FNIP1: variants seen among roughly 807,000 people sequenced by gnomAD.
FNIP1 encodes the protein folliculin interacting protein 1.
A neutral mutation model predicts 124.5 loss-of-function variants in FNIP1; 40 were observed. The observed-to-expected ratio is 0.32, with a 90% CI of 0.25 to 0.42. The LOEUF (loss-of-function observed/expected upper bound fraction) is 0.42. Among genes scored for constraint, FNIP1 ranks in the 10% least tolerant of loss-of-function variants. FNIP1 has a pLI of 1.00. For synonymous variants in FNIP1, 472 were observed against 470.6 expected (o/e 1.00, Z -0.04); for missense variants, 1,176 against 1,403.7 (o/e 0.84, Z 2.59).
chr5:131,675,553 C>CATT (rs1767885772), intron 13 of FNIP1, among the ~76,000 whole-genome samples: 1 of 152,050 alleles, frequency 6.6e-6, no homozygotes, highest in Non-Finnish European at 1.5e-5. Flanking sequence ...AGGAATGAAC[C>CATT]ATTAATACAT....
chr5:131,661,276 T>A (rs1767429543), intron 15 of FNIP1, among the ~76,000 whole-genome samples: 1 of 149,362 alleles, frequency 6.7e-6, no homozygotes. Context: ...AGGGGATCTC[T>A]AAAGGAATTG....
intron 17 of FNIP1, among the ~76,000 whole-genome samples, chr5:131,645,649 T>C (rs1335890742): frequency 1.3e-5 from 2 of 152,224 alleles, no homozygotes; most frequent in African/African-American, 4.8e-5. Flanking sequence ...TCAAACTATC[T>C]ATCAATACAG....
chr5:131,763,270 A>G (rs1274080020), intron 1 of FNIP1, among the ~76,000 whole-genome samples: 4 of 150,832 alleles, frequency 2.7e-5, no homozygotes, highest in Non-Finnish European at 5.9e-5. Flanking sequence ...AATATCTCAC[A>G]TACTTTGCAA....
At chr5:131,703,934 C>A in intron 10 of FNIP1, 131 bp downstream of exon 10, 1 of 679,412 alleles carries the variant, frequency 1.5e-6, no homozygotes, top group Non-Finnish European at 2.4e-6. Context: ...AATCTATTTG[C>A]ATCCACCAGA....
intron 1 of FNIP1, among the ~76,000 whole-genome samples, chr5:131,790,321 A>G (rs1772363556): frequency 1.3e-5 from 2 of 152,146 alleles, no homozygotes; most frequent in Admixed American, 1.3e-4. Context: ...TCTACAAAAA[A>G]TAAAAAATTA....
intron 15 of FNIP1, among the ~76,000 whole-genome samples, chr5:131,660,877 T>A (rs1427410685): frequency 6.6e-6 from 1 of 152,192 alleles, no homozygotes; most frequent in Admixed American, 6.5e-5. Context: ...ACGCTGGCAC[T>A]ATCTCTACCA....
chr5:131,784,114 C>CAG (rs1772085405), intron 1 of FNIP1, among the ~76,000 whole-genome samples: 1 of 152,068 alleles, frequency 6.6e-6, no homozygotes, highest in African/African-American at 2.4e-5. Context: ...GCCAGCAGTC[C>CAG]AGACTGGAGC....
chr5:131,725,291 C>G (rs1769822563), intron 3 of FNIP1, among the ~76,000 whole-genome samples: 1 of 152,124 alleles, frequency 6.6e-6, no homozygotes, highest in South Asian at 2.1e-4. Flanking sequence ...TTACTATAGG[C>G]ATGATAGCCA....
chr5:131,714,272 T>C (rs575405441), intron 6 of FNIP1, among the ~76,000 whole-genome samples: 42 of 152,306 alleles, frequency 2.8e-4, no homozygotes, highest in African/African-American at 8.4e-4. Context: ...CCAGTCAACA[T>C]TCTACCCCTC....
intron 2 of FNIP1, among the ~76,000 whole-genome samples, chr5:131,734,684 T>G (rs1770226432): frequency 6.6e-6 from 1 of 152,102 alleles, no homozygotes; most frequent in African/African-American, 2.4e-5. Flanking sequence ...AAGAAGACAT[T>G]TATGCAGCCA....
In FNIP1 at chr5:131,643,726, A is replaced by G. The variant is rs1198200162; in HGVS notation, c.*959T>C. ...GCAGTGAAACAAATATTCAGCTCCT[A>G]TGGGTTCATGAGGGTTGATACCAAA... On this transcript the variant is annotated 3_prime_UTR_variant, in exon 18 of 18. Transcript: ENST00000510461. The G allele has an allele frequency of 6.5e-6, 1 of 152,696 alleles. No individual in the cohort carries two copies. The highest frequency in any genetic ancestry group is 2.4e-5 in the African/African-American group (1 of 41,440). 9.5% of individuals were successfully genotyped at this position (152,696 alleles called of 1,614,324 possible). A position where few individuals can be genotyped will look rare whatever the true frequency, so the allele number is the denominator to read the frequency against.
chr5:131,765,222 C>A (rs1007600095), intron 1 of FNIP1, among the ~76,000 whole-genome samples: 2 of 149,994 alleles, frequency 1.3e-5, no homozygotes, highest in African/African-American at 2.5e-5. Flanking sequence ...ACCTTGTCTG[C>A]GGGGGAAAAA....
chr5:131,741,466 C>T (rs1770511540), intron 2 of FNIP1, among the ~76,000 whole-genome samples: 1 of 152,132 alleles, frequency 6.6e-6, no homozygotes, highest in Non-Finnish European at 1.5e-5. Flanking sequence ...TACATAGCTT[C>T]CTAATTTTCT....
chr5:131,662,570 G>C (rs1035987535), intron 15 of FNIP1, among the ~76,000 whole-genome samples: 11 of 152,086 alleles, frequency 7.2e-5, no homozygotes, highest in African/African-American at 2.7e-4. Context: ...CTCCCACAGT[G>C]GTGGGTGGCT....
At chr5:131,661,247 T>TGTGTGTGTGTGTGG (rs1309471862) in intron 15 of FNIP1, among the ~76,000 whole-genome samples, 3 of 151,800 alleles carry the variant, frequency 2.0e-5, no homozygotes, top group Non-Finnish European at 4.4e-5. Context: ...TGTGTGTGTG[T>TGTGTGTGTGTGTGG]GTGTGTTTGT....
chr5:131,710,684 A>G (rs746394696), intron 6 of FNIP1, 23 bp from the exon 7 acceptor site: 3 of 1,608,126 alleles, frequency 1.9e-6, no homozygotes, highest in Admixed American at 3.4e-5. Context: ...AACGTAAAAT[A>G]CACATGAAAG....
At chr5:131,668,344 G>T (rs184532384) in intron 15 of FNIP1, among the ~76,000 whole-genome samples, 113 of 152,274 alleles carry the variant, frequency 7.4e-4, no homozygotes, top group South Asian at 6.2e-3. Context: ...CAAGCAAAAT[G>T]TAAAAACATT....
intron 13 of FNIP1, among the ~76,000 whole-genome samples, chr5:131,676,024 A>C (rs1470903094): frequency 1.3e-5 from 2 of 150,666 alleles, no homozygotes; most frequent in East Asian, 3.9e-4. Flanking sequence ...ACGCCCAGCT[A>C]ATTTTTTTTT....
chr5:131,792,614 C>T (rs915936492), intron 1 of FNIP1, among the ~76,000 whole-genome samples: 2 of 152,158 alleles, frequency 1.3e-5, no homozygotes, highest in East Asian at 1.9e-4. Context: ...ACAGGATGAG[C>T]ATCTCTAGTC....
Sources: allele counts gnomAD v4.1 joint callset (sites outside exome capture counted in the v4.1 genomes callset), GRCh38; gene constraint gnomAD v4.1.1; transcripts MANE v1.5; gene names NCBI Gene and HGNC (gene_info 2026-07-23, HGNC 2026-07-21).